The following CDC27 variants were observed in gnomAD, a reference collection of about 807,000 sequenced individuals.
CDC27 encodes the protein cell division cycle protein 27 homolog.
A neutral mutation model predicts 109.7 loss-of-function variants in CDC27; 27 were observed. That is an observed-to-expected ratio of 0.25 (90% CI 0.18 to 0.34). The LOEUF is 0.34. Ranked by LOEUF, CDC27 falls within the 10% of genes least tolerant of loss-of-function variation. The pLI is 1.00. For synonymous variants in CDC27, 266 were observed against 333.9 expected (o/e 0.80, Z 2.22); for missense variants, 579 against 960.2 (o/e 0.60, Z 5.25).
At chr17:47,127,368 T>C (rs2062174892) in intron 16 of CDC27, among the ~76,000 whole-genome samples, 1 of 152,206 alleles carries the variant, frequency 6.6e-6, no homozygotes, top group South Asian at 2.1e-4. Context: ...AGATAAATTA[T>C]ATATTTAATC....
chr17:47,180,945 T>TCAAAA (rs1555560988), intron 2 of CDC27, among the ~76,000 whole-genome samples: 6,126 of 111,368 alleles, frequency 0.055, 175 homozygotes, highest in African/African-American at 0.065. Flanking sequence ...ACTCTTTTCT[T>TCAAAA]AAAAAAAAAA....
intron 10 of CDC27, 124 bp from the exon 11 acceptor site, chr17:47,142,560 A>T (rs2062828395): frequency 5.9e-6 from 3 of 507,434 alleles, no homozygotes; most frequent in Non-Finnish European, 1.0e-5. Flanking sequence ...TTTTTTTCAG[A>T]AGAGAGTTTA....
intron 3 of CDC27, 179 bp from the exon 4 acceptor site, chr17:47,170,221 T>C (rs2063773768): frequency 4.5e-6 from 2 of 445,268 alleles, no homozygotes; most frequent in African/African-American, 4.1e-5. Flanking sequence ...TTTAAAGAGA[T>C]AGGGTCTTGC....
At chr17:47,181,697 T>A (rs1050624605) in intron 1 of CDC27, 60 bp from the exon 2 acceptor site, 2 of 865,570 alleles carry the variant, frequency 2.3e-6, no homozygotes, top group Non-Finnish European at 3.8e-6. Flanking sequence ...AGGTAACTAC[T>A]AGCACACAGC....
At chr17:47,149,867 A>C (rs1305946693) in intron 9 of CDC27, among the ~76,000 whole-genome samples, 1 of 151,962 alleles carries the variant, frequency 6.6e-6, no homozygotes, top group Non-Finnish European at 1.5e-5. Context: ...AGGCAGTAGC[A>C]TTGCTTGAAC....
In CDC27 at chr17:47,148,279, A is replaced by G. The variant is rs146850848; in HGVS notation, c.1070+3527T>C. On this transcript the variant is annotated intron_variant, in intron 9 of 18. Transcript: ENST00000066544. ...ATGTCTGCAATAAAAAAACAAAACAAAACAAAAAACCCAACAACACTGGGT... is the reference window on the plus strand; with the variant it reads ...ATGTCTGCAATAAAAAAACAAAACAGAACAAAAAACCCAACAACACTGGGT... Among the ~76,000 whole-genome samples, 1,316 of 152,246 alleles carry G rather than the reference A, an allele frequency of 8.6e-3. 23 individuals are homozygous for G. Among genetic ancestry groups the G allele is most frequent in the African/African-American group, 0.031 (1,280 of 41,546 alleles).
rs747099686 is a variant in CDC27 at position 47,189,209 on chromosome 17, G to T, written c.-37C>A. 3 of 1,577,064 alleles carry T rather than the reference G, an allele frequency of 1.9e-6. No individual in the cohort carries two copies. Among genetic ancestry groups the T allele is most frequent in the Non-Finnish European group, 2.6e-6 (3 of 1,146,556 alleles). ...AGGCCCACTTTCTGCAGTGCCTCAG[G>T]CCCCCCCTGTAGCGGCTCCGGCCCG... On this transcript the variant is annotated 5_prime_UTR_variant, in exon 1 of 19. Transcript: ENST00000066544.
chr17:47,154,812 T>C, intron 7 of CDC27, 26 bp from the exon 8 acceptor site: 1 of 1,142,356 alleles, frequency 8.8e-7, no homozygotes, highest in Non-Finnish European at 1.3e-6. Flanking sequence ...AATCAAGGTG[T>C]CAAAAAGTCA....
At chr17:47,135,451 G>A (rs1022330903) in intron 14 of CDC27, among the ~76,000 whole-genome samples, 1 of 149,548 alleles carries the variant, frequency 6.7e-6, no homozygotes, top group African/African-American at 2.5e-5. Flanking sequence ...GATGATGATG[G>A]GGAATAAGCA....
At chr17:47,129,010 A>G (rs2148812974) in intron 16 of CDC27, among the ~76,000 whole-genome samples, 1 of 152,220 alleles carries the variant, frequency 6.6e-6, no homozygotes, top group African/African-American at 2.4e-5. Context: ...GACTCAGGTG[A>G]TCCGCCCGCC....
chr17:47,181,581 T>A lies in CDC27; in HGVS notation c.84A>T (p.Ala28=). Residue 28 remains alanine (A), a synonymous_variant, in exon 2 of 19, where the codon GCA becomes GCT. Transcript: ENST00000066544. The stretch of plus-strand genomic sequence containing the variant: ...TCAAACCTTCTGCATAAAGGCGTTC[T>A]GCGAGGAAAACCGCATCTCGGTAAG... ...HYAYRDAVFL[A]ERLYAEVHSE... 1 of 1,605,198 alleles carries A rather than the reference T, an allele frequency of 6.2e-7. No homozygotes were observed.
chr17:47,151,447 T>C (rs1410022614), intron 9 of CDC27, among the ~76,000 whole-genome samples: 1 of 151,988 alleles, frequency 6.6e-6, no homozygotes, highest in Non-Finnish European at 1.5e-5. Flanking sequence ...ATTTGAAGTT[T>C]ATTTGTCTGT....
At chr17:47,162,791 T>A (rs1047241196) in intron 4 of CDC27, among the ~76,000 whole-genome samples, 2 of 152,198 alleles carry the variant, frequency 1.3e-5, no homozygotes, top group Non-Finnish European at 2.9e-5. Flanking sequence ...AAGGCTGATT[T>A]TTATAATGAG....
Position 47,129,469 on chromosome 17 carries a change from G to A in CDC27, c.2084C>T (p.Ala695Val). ...AGGGTTCTTGGGATCAATGACAATG[G>A]CTTTGTTTAGGGTATCCAAAGCCTT... ...SEKALDTLNK[A>V]IVIDPKNPLC... Residue 695 changes from alanine to valine, a missense_variant, in exon 16 of 19, where the codon GCC becomes GTC. This residue lies in a region of CDC27 where 227 missense variants were observed against 363.6 expected (regional missense o/e 0.62). Transcript: ENST00000066544. 1 of 1,608,702 alleles carries A rather than the reference G, an allele frequency of 6.2e-7. No homozygotes were observed. The highest frequency in any genetic ancestry group is 8.5e-7 in the Non-Finnish European group (1 of 1,175,328).
intron 12 of CDC27, 40 bp downstream of exon 12, chr17:47,141,813 T>C (rs1460926019): frequency 3.2e-6 from 4 of 1,241,686 alleles, no homozygotes; most frequent in Non-Finnish European, 3.4e-6. Context: ...AAATTGAAAT[T>C]ATCTCTAGAA....
chr17:47,154,664 GA>G lies in CDC27; in HGVS notation c.957+7del. On this transcript the variant is annotated splice_region_variant and intron_variant, in intron 8 of 18. Transcript: ENST00000066544. The stretch of plus-strand genomic sequence containing the variant: ...CAATTCCCAAACTGCATTTTACATG[GA>G]AAATACCTTTTTTGAAGGGGCTCCG... 6.9e-7 allele frequency: 1 copy of G among 1,457,398 alleles called. No individual in the cohort carries two copies. The allele number at this position is 1,457,398 out of a possible 1,614,324, so 90.3% of individuals were successfully genotyped here.
chr17:47,127,216 T>C (rs563959388), intron 16 of CDC27, among the ~76,000 whole-genome samples: 1 of 152,148 alleles, frequency 6.6e-6, no homozygotes, highest in African/African-American at 2.4e-5. Context: ...TGAGCTATGA[T>C]TGCACCACTG....
intron 11 of CDC27, 84 bp from the exon 12 acceptor site, chr17:47,142,109 T>A (rs2062812779): frequency 8.4e-7 from 1 of 1,194,168 alleles, no homozygotes; most frequent in Admixed American, 2.5e-5. Context: ...CAAACTAATC[T>A]ATTAAAAATT....
At chr17:47,129,587 G>A (rs553775237) in intron 15 of CDC27, 66 bp from the exon 16 acceptor site, 8 of 1,173,622 alleles carry the variant, frequency 6.8e-6, no homozygotes, top group African/African-American at 4.6e-5. Flanking sequence ...GAGAACCAAC[G>A]TGACTCAAAA....
Sources: allele counts gnomAD v4.1 joint callset (sites outside exome capture counted in the v4.1 genomes callset), GRCh38; gene constraint gnomAD v4.1.1; regional missense constraint gnomAD v4.1.1; transcripts MANE v1.5; gene names NCBI Gene and HGNC (gene_info 2026-07-23, HGNC 2026-07-21).